The following CYP7B1 variants were observed in gnomAD, a reference collection of about 807,000 sequenced individuals.
CYP7B1 encodes cytochrome P450 family 7 subfamily B member 1.
A neutral mutation model predicts 42.7 loss-of-function variants in CYP7B1; 29 were observed. That is an observed-to-expected ratio of 0.68 (90% CI 0.51 to 0.93). The LOEUF is 0.93. CYP7B1 is among the 40% of genes least tolerant of loss of function. CYP7B1 has a pLI of 0.00. For missense variants in CYP7B1, 655 were observed against 600.5 expected (o/e 1.09, Z -0.95); for synonymous variants, 235 against 218.2 (o/e 1.08, Z -0.68).
chr8:64,715,080 T>A (rs1441723970), intron 1 of CYP7B1, among the ~76,000 whole-genome samples: 3 of 152,184 alleles, frequency 2.0e-5, no homozygotes, highest in African/African-American at 7.2e-5. Flanking sequence ...TTTGGAAGTA[T>A]CTTTGTTGCT....
chr8:64,664,031 T>G (rs1390229893), intron 1 of CYP7B1, among the ~76,000 whole-genome samples: 1 of 152,126 alleles, frequency 6.6e-6, no homozygotes, highest in Non-Finnish European at 1.5e-5. Context: ...TCCAGCAGGG[T>G]TGAAACTACA....
chr8:64,788,014 A>T (rs1804556644), intron 1 of CYP7B1, among the ~76,000 whole-genome samples: 1 of 152,206 alleles, frequency 6.6e-6, no homozygotes, highest in Admixed American at 6.5e-5. Flanking sequence ...CAGCCCCAAG[A>T]TCCAATCACT....
chr8:64,642,307 A>T (rs1242328986), intron 1 of CYP7B1, among the ~76,000 whole-genome samples: 1 of 151,732 alleles, frequency 6.6e-6, no homozygotes, highest in Non-Finnish European at 1.5e-5. Flanking sequence ...AAGTCCTAGT[A>T]ATGTGTCACA....
intron 1 of CYP7B1, among the ~76,000 whole-genome samples, chr8:64,723,000 A>G (rs1459233477): frequency 1.3e-5 from 2 of 152,174 alleles, no homozygotes; most frequent in Admixed American, 6.6e-5. Context: ...AGTGAATCGT[A>G]GCTGGCTTTT....
At chr8:64,657,659 G>T (rs560696741) in intron 1 of CYP7B1, among the ~76,000 whole-genome samples, 13 of 152,260 alleles carry the variant, frequency 8.5e-5, no homozygotes, top group Admixed American at 4.6e-4. Flanking sequence ...TTAAAAATCC[G>T]TATTCACTGT....
At chr8:64,645,820 A>C (rs1805944996) in intron 1 of CYP7B1, among the ~76,000 whole-genome samples, 1 of 152,204 alleles carries the variant, frequency 6.6e-6, no homozygotes, top group Non-Finnish European at 1.5e-5. Context: ...ACAGTAACCA[A>C]AACACCATGG....
chr8:64,638,837 G>A (rs1805812407), intron 1 of CYP7B1, among the ~76,000 whole-genome samples: 1 of 152,002 alleles, frequency 6.6e-6, no homozygotes, highest in South Asian at 2.1e-4. Context: ...GTGTGTGTGT[G>A]TGTGTGCCTG....
chr8:64,627,931 T>A (rs1388708393), intron 1 of CYP7B1, among the ~76,000 whole-genome samples: 1 of 152,232 alleles, frequency 6.6e-6, no homozygotes, highest in Non-Finnish European at 1.5e-5. Flanking sequence ...AAAGGCCTGA[T>A]GACACACAGC....
intron 1 of CYP7B1, among the ~76,000 whole-genome samples, chr8:64,666,072 T>C (rs1046108591): frequency 1.3e-4 from 20 of 152,358 alleles, no homozygotes; most frequent in African/African-American, 4.8e-4. Flanking sequence ...CAATGTTAAA[T>C]TAACTGTGAT....
intron 1 of CYP7B1, among the ~76,000 whole-genome samples, chr8:64,646,000 A>G (rs1805948809): frequency 4.6e-5 from 7 of 152,246 alleles, no homozygotes; most frequent in Admixed American, 3.9e-4. Context: ...AGCCATATGT[A>G]GAAAGCTGAA....
chr8:64,784,060 A>G (rs933380202), intron 1 of CYP7B1, among the ~76,000 whole-genome samples: 2 of 152,188 alleles, frequency 1.3e-5, no homozygotes, highest in African/African-American at 4.8e-5. Flanking sequence ...ATTAAAACAA[A>G]TATCAAGAAA....
intron 1 of CYP7B1, among the ~76,000 whole-genome samples, chr8:64,712,513 A>G (rs902783964): frequency 1.3e-5 from 2 of 152,074 alleles, no homozygotes; most frequent in African/African-American, 4.8e-5. Context: ...TTGCATGTGG[A>G]AAGGATTTTT....
rs1042446414 is a variant in CYP7B1 at position 64,789,003 on chromosome 8, C to A, written c.122+9463G>T. On this transcript the variant is annotated intron_variant, in intron 1 of 5. Transcript: ENST00000310193. ...TGGTGTGATCTCGGCTCACTGCAAC[C>A]TCTGCCTCCTGGGTTCAAATGATTC... Among the ~76,000 whole-genome samples the A allele has an allele frequency of 5.3e-5, 8 of 151,732 alleles. No homozygotes were observed. The East Asian group carries it at 1.6e-3, about 29-fold the overall frequency.
chr8:64,769,813 C>T (rs906568971), intron 1 of CYP7B1, among the ~76,000 whole-genome samples: 6 of 152,144 alleles, frequency 3.9e-5, no homozygotes, highest in African/African-American at 1.4e-4. Flanking sequence ...TTCCCCCCAT[C>T]CTACTGAGCA....
chr8:64,623,047 G>A (rs1563366956), intron 2 of CYP7B1, among the ~76,000 whole-genome samples: 1 of 152,088 alleles, frequency 6.6e-6, no homozygotes, highest in Non-Finnish European at 1.5e-5. Flanking sequence ...AGCTTACAGA[G>A]CACAGACAGG....
chr8:64,789,821 G>C (rs924211400), intron 1 of CYP7B1, among the ~76,000 whole-genome samples: 3 of 152,186 alleles, frequency 2.0e-5, no homozygotes, highest in African/African-American at 7.2e-5. Context: ...CACTCCAGAT[G>C]TTTAAATAAA....
chr8:64,673,810 TAG>T (rs1806402608), intron 1 of CYP7B1, among the ~76,000 whole-genome samples: 1 of 152,084 alleles, frequency 6.6e-6, no homozygotes, highest in African/African-American at 2.4e-5. Flanking sequence ...GTACATGGAA[TAG>T]AGTTTCTCAG....
intron 1 of CYP7B1, among the ~76,000 whole-genome samples, chr8:64,706,842 T>C (rs887461121): frequency 6.6e-6 from 1 of 151,958 alleles, no homozygotes; most frequent in Non-Finnish European, 1.5e-5. Context: ...TATTGGCACA[T>C]ACTAAGCCCT....
chr8:64,694,506 A>G (rs1057290597), intron 1 of CYP7B1, among the ~76,000 whole-genome samples: 2 of 152,110 alleles, frequency 1.3e-5, no homozygotes, highest in African/African-American at 4.8e-5. Flanking sequence ...TGAGAGTGCT[A>G]TGAGGCCAGT....
Sources: allele counts gnomAD v4.1 joint callset (sites outside exome capture counted in the v4.1 genomes callset), GRCh38; gene constraint gnomAD v4.1.1; transcripts MANE v1.5; gene names NCBI Gene and HGNC (gene_info 2026-07-23, HGNC 2026-07-21).